Variants in SUN2 observed in about 807,000 individuals in gnomAD.
The protein encoded by SUN2 is SUN domain-containing protein 2.
SUN2 carries 60 observed loss-of-function variants against 100.0 expected under a neutral mutation model. That is an observed-to-expected ratio of 0.60 (90% confidence interval 0.49 to 0.74). The LOEUF (loss-of-function observed/expected upper bound fraction) is 0.74. Among genes scored for constraint, SUN2 ranks in the 30% least tolerant of loss-of-function variants. The pLI is 0.00. For missense variants in SUN2, 834 were observed against 954.6 expected (o/e 0.87, Z 1.66); for synonymous variants, 367 against 403.3 (o/e 0.91, Z 1.08).
chr22:38,742,768 C>T, intron 8 of SUN2: 1 of 594,474 alleles, frequency 1.7e-6, no homozygotes, highest in East Asian at 3.0e-5. Flanking sequence ...GGGTGCCGGC[C>T]ACAGAGGAAG....
chr22:38,751,501 G>A (rs2092945826), intron 2 of SUN2, 128 bp from the exon 3 acceptor site: 7 of 933,826 alleles, frequency 7.5e-6, no homozygotes, highest in Non-Finnish European at 8.0e-6. Flanking sequence ...TAGGCAACTC[G>A]CAGCTGCCAT....
At position 38,739,337 on chromosome 22, in the gene SUN2, C is replaced by A. The variant is rs373767572; in HGVS notation, c.1663+5G>T. ...AAGGCAGAGCGAGGAAAGCAGAGCA[C>A]GTACCTCCTGACTCCAGGGCGTAGT... On this transcript the variant is annotated splice_donor_5th_base_variant and intron_variant, in intron 14 of 17. Coordinates refer to ENST00000689035, the MANE Select transcript of SUN2 (RefSeq NM_015374.3). This position sits in a 1 kb window ranked among gnomAD's most constrained non-coding sequence, Gnocchi z 6.7. 5.6e-6 allele frequency: 9 copies of A among 1,612,906 alleles called. No individual in the cohort carries two copies. The highest frequency in any genetic ancestry group is 6.8e-6 in the Non-Finnish European group (8 of 1,179,938).
Position 38,741,065 on chromosome 22 carries a change from G to A in SUN2, c.1147-15C>T. 1 of 1,592,106 alleles carries A rather than the reference G, an allele frequency of 6.3e-7. No individual in the cohort carries two copies. The highest frequency in any genetic ancestry group is 8.6e-7 in the Non-Finnish European group (1 of 1,168,618). On this transcript the variant is annotated splice_polypyrimidine_tract_variant and intron_variant, in intron 10 of 17. Transcript: ENST00000689035. ...GCCTCGGACTCCTGTGTAGGAAGAA[G>A]GGACAAATACAAGAAATACTCATCT... is the stretch of plus-strand genomic sequence containing the variant.
intron 1 of SUN2, chr22:38,754,871 G>C: frequency 7.8e-7 from 1 of 1,289,312 alleles, no homozygotes; most frequent in Non-Finnish European, 1.0e-6. Flanking sequence ...CTTTCCTGCG[G>C]CATCCTGGCA....
chr22:38,755,596 T>TCAGGGCG lies in SUN2; in HGVS notation c.-38+160_-38+166dup. The TCAGGGCG allele has an allele frequency of 4.3e-6, 4 of 941,060 alleles. No homozygotes were observed. Among genetic ancestry groups the TCAGGGCG allele is most frequent in the Non-Finnish European group, 5.1e-6 (4 of 789,530 alleles). The allele number at this position is 941,060 out of a possible 1,614,324, so 58.3% of individuals were successfully genotyped here. ...GGCGGGGCGGGGGCCAGGAGGTGAG[T>TCAGGGCG]CAGGGCGCGGGCCGCGGACCCGGGT... On this transcript the variant is annotated intron_variant, in intron 1 of 17. Coordinates refer to ENST00000689035, the MANE Select transcript of SUN2 (RefSeq NM_015374.3). The surrounding 1 kb of genome is among the most constrained non-coding windows in gnomAD (Gnocchi z 5.7).
At chr22:38,754,098 T>C (rs2092968163) in intron 1 of SUN2, among the ~76,000 whole-genome samples, 1 of 152,132 alleles carries the variant, frequency 6.6e-6, no homozygotes, top group Non-Finnish European at 1.5e-5. Context: ...GAACTGATAA[T>C]GAGGACAAAG....
At position 38,740,846 on chromosome 22, in the gene SUN2, C is replaced by T; in HGVS notation, c.1190+161G>A. The T allele has an allele frequency of 2.6e-6, 2 of 764,912 alleles. No homozygotes were observed. Among genetic ancestry groups the T allele is most frequent in the Non-Finnish European group, 4.3e-6 (2 of 465,554 alleles). The allele number at this position is 764,912 out of a possible 1,614,324, so 47.4% of individuals were successfully genotyped here. On this transcript the variant is annotated intron_variant, in intron 11 of 17. Transcript: ENST00000689035. This position sits in a 1 kb window ranked among gnomAD's most constrained non-coding sequence, Gnocchi z 4.8. ...CCTCCATGGCACCTCAAAGACAGGCCCTGGGCAGGGGTCCTGAGCTGGGTT... is the reference window on the plus strand; with the variant it reads ...CCTCCATGGCACCTCAAAGACAGGCTCTGGGCAGGGGTCCTGAGCTGGGTT...
At position 38,740,944 on chromosome 22, in the gene SUN2, C is replaced by G. The variant is rs2092851927; in HGVS notation, c.1190+63G>C. 6.6e-7 allele frequency: 1 copy of G among 1,511,802 alleles called. No homozygotes were observed. The highest frequency in any genetic ancestry group is 9.0e-7 in the Non-Finnish European group (1 of 1,110,592). 93.6% of individuals were successfully genotyped at this position (1,511,802 alleles called of 1,614,324 possible). A position where few individuals can be genotyped will look rare whatever the true frequency, so the allele number is the denominator to read the frequency against. ...TGCTCTGCGGCTCTGCTCCCCAGTC[C>G]TGCCTGGAGAGTGGGTGGGGCTGGG... On this transcript the variant is annotated intron_variant, in intron 11 of 17. Coordinates refer to ENST00000689035, the MANE Select transcript of SUN2 (RefSeq NM_015374.3). The surrounding 1 kb of genome is among the most constrained non-coding windows in gnomAD (Gnocchi z 4.8).
chr22:38,738,102 G>T lies in SUN2; in HGVS notation c.2040+71C>A. Reference sequence around the variant, plus strand: ...CTGAACCCCATGCCTGGCAGGGTAAGTGCCCAGGGAGCACCTGCTGCCTGG... The same window carrying T: ...CTGAACCCCATGCCTGGCAGGGTAATTGCCCAGGGAGCACCTGCTGCCTGG... On this transcript the variant is annotated intron_variant, in intron 17 of 17. Transcript: ENST00000689035. This position sits in a 1 kb window ranked among gnomAD's most constrained non-coding sequence, Gnocchi z 6.6. 7.3e-7 allele frequency: 1 copy of T among 1,366,098 alleles called. No homozygotes were observed. Among genetic ancestry groups the T allele is most frequent in the South Asian group, 1.2e-5 (1 of 85,974 alleles). 84.6% of individuals were successfully genotyped at this position (1,366,098 alleles called of 1,614,324 possible). A position where few individuals can be genotyped will look rare whatever the true frequency, so the allele number is the denominator to read the frequency against.
rs761452227 is a variant in SUN2 at position 38,739,477 on chromosome 22, CCT to C, written c.1579-53_1579-52del. ...TTGCAGCAGGGAGCAGACGTGTCCCCCTGTCACCTCGTGGCCGTGGGCCAAGG... is the reference window on the plus strand; with the variant it reads ...TTGCAGCAGGGAGCAGACGTGTCCCCGTCACCTCGTGGCCGTGGGCCAAGG... On this transcript the variant is annotated intron_variant, in intron 13 of 17. Coordinates refer to ENST00000689035, the MANE Select transcript of SUN2 (RefSeq NM_015374.3). The surrounding 1 kb of genome is among the most constrained non-coding windows in gnomAD (Gnocchi z 6.7). The C allele has an allele frequency of 1.1e-5, 18 of 1,593,726 alleles. No homozygotes were observed. Among genetic ancestry groups the C allele is most frequent in the East Asian group, 4.5e-5 (2 of 44,638 alleles).
chr22:38,736,663 A>C, intron 17 of SUN2: 1 of 275,314 alleles, frequency 3.6e-6, no homozygotes, highest in African/African-American at 2.2e-5. Context: ...AACCACCTTC[A>C]TAGAGGGCTT....
chr22:38,750,249 G>T lies in SUN2; in HGVS notation c.496C>A (p.Leu166Ile). ...RSAVSRAGSL[L>I]WMVATSPGRL... Reference sequence around the variant, plus strand: ...CCTGGCGAAGTGGCCACCATCCAGAGTAAGGAGCCCGCCCGTGAGACGGCG... The same window carrying T: ...CCTGGCGAAGTGGCCACCATCCAGATTAAGGAGCCCGCCCGTGAGACGGCG... The change falls in exon 5 of 18, where the codon CTC (leucine) becomes ATC (isoleucine). Residue 166 changes from leucine to isoleucine, a missense_variant. Physicochemically the swap from Leu to Ile is conservative, Grantham distance 5 (BLOSUM62 2). This residue lies in a region of SUN2 where 559 missense variants were observed against 597.7 expected (regional missense o/e 0.94). Coordinates refer to ENST00000689035, the MANE Select transcript of SUN2 (RefSeq NM_015374.3). The T allele has an allele frequency of 6.2e-7, 1 of 1,613,606 alleles. No individual in the cohort carries two copies. The highest frequency in any genetic ancestry group is 8.5e-7 in the Non-Finnish European group (1 of 1,179,712).
chr22:38,736,191 G>A lies in SUN2; in HGVS notation c.*76C>T. 2 of 1,382,470 alleles carry A rather than the reference G, an allele frequency of 1.4e-6. No individual in the cohort carries two copies. Among genetic ancestry groups the A allele is most frequent in the Non-Finnish European group, 2.1e-6 (2 of 974,256 alleles). The allele number at this position is 1,382,470 out of a possible 1,614,324, so 85.6% of individuals were successfully genotyped here. The stretch of plus-strand genomic sequence containing the variant: ...GTGCTCCTAGAAGTCAGAGCGCCGA[G>A]CAAGCGTGTGGGGGAAGCGGCGGGG... On this transcript the variant is annotated 3_prime_UTR_variant, in exon 18 of 18. Coordinates refer to ENST00000689035, the MANE Select transcript of SUN2 (RefSeq NM_015374.3).
chr22:38,740,020 A>G lies in SUN2; in HGVS notation c.1357-77T>C, dbSNP rs1475281649. 3.3e-6 allele frequency: 5 copies of G among 1,501,966 alleles called. No homozygotes were observed. The highest frequency in any genetic ancestry group is 4.5e-6 in the Non-Finnish European group (5 of 1,103,040). 93.0% of individuals were successfully genotyped at this position (1,501,966 alleles called of 1,614,324 possible). A position where few individuals can be genotyped will look rare whatever the true frequency, so the allele number is the denominator to read the frequency against. ...AGCTGCTATGACAGGGCTAGTGCTTAGCTGGATAGCAGGGATAGGGTAGGA... is the reference window on the plus strand; with the variant it reads ...AGCTGCTATGACAGGGCTAGTGCTTGGCTGGATAGCAGGGATAGGGTAGGA... On this transcript the variant is annotated intron_variant, in intron 12 of 17. Coordinates refer to ENST00000689035, the MANE Select transcript of SUN2 (RefSeq NM_015374.3). The surrounding 1 kb of genome is among the most constrained non-coding windows in gnomAD (Gnocchi z 4.8).
At chr22:38,745,489 T>C (rs1300823734) in intron 8 of SUN2, among the ~76,000 whole-genome samples, 195 bp downstream of exon 8, 6 of 152,234 alleles carry the variant, frequency 3.9e-5, no homozygotes, top group Non-Finnish European at 8.8e-5. Context: ...GAAACAGCAT[T>C]GAAAAGGAAC....
rs750136523 is a variant in SUN2 at position 38,739,298 on chromosome 22, G to A, written c.1663+44C>T. 4 of 1,597,588 alleles carry A rather than the reference G, an allele frequency of 2.5e-6. No homozygotes were observed. In the Admixed American group the frequency reaches 6.7e-5, roughly 27 times the overall value. ...GGTAGATGCCAGGGGACCGGCCATT[G>A]CGGGGTCCAGGACAAGGCAGAGCGA... On this transcript the variant is annotated intron_variant, in intron 14 of 17. Coordinates refer to ENST00000689035, the MANE Select transcript of SUN2 (RefSeq NM_015374.3). The surrounding 1 kb of genome is among the most constrained non-coding windows in gnomAD (Gnocchi z 6.7).
In SUN2 at chr22:38,737,613, C is replaced by T. The variant is rs572377548; in HGVS notation, c.2040+560G>A. The stretch of plus-strand genomic sequence containing the variant: ...CTGCCACTGTCCCTCGTCCACCTCC[C>T]ACTATCCCGCCAACCCAATTCCTCA... On this transcript the variant is annotated intron_variant, in intron 17 of 17. Coordinates refer to ENST00000689035, the MANE Select transcript of SUN2 (RefSeq NM_015374.3). The surrounding 1 kb of genome is among the most constrained non-coding windows in gnomAD (Gnocchi z 4.1). 4.2e-5 allele frequency: 13 copies of T among 308,516 alleles called. No individual in the cohort carries two copies. Among genetic ancestry groups the T allele is most frequent in the South Asian group, 3.5e-4 (13 of 37,130 alleles). The allele number at this position is 308,516 out of a possible 1,614,324, so 19.1% of individuals were successfully genotyped here.
At chr22:38,749,980 G>T in intron 5 of SUN2, 121 bp from the exon 6 acceptor site, 1 of 1,019,856 alleles carries the variant, frequency 9.8e-7, no homozygotes, top group Non-Finnish European at 1.4e-6. Flanking sequence ...CCTCTGTCCT[G>T]CCCTACCGGG....
chr22:38,735,748 C>A lies in SUN2; in HGVS notation c.*519G>T, dbSNP rs569420839. The stretch of plus-strand genomic sequence containing the variant: ...GCTTCCCTAGGTGGAGGGCACTAAC[C>A]TTGTAGGAGAGCTGGGCAGCTCTCC... On this transcript the variant is annotated 3_prime_UTR_variant, in exon 18 of 18. Coordinates refer to ENST00000689035, the MANE Select transcript of SUN2 (RefSeq NM_015374.3). 25 of 161,478 alleles carry A rather than the reference C, an allele frequency of 1.5e-4. No individual in the cohort carries two copies. In the East Asian group the frequency reaches 4.0e-3, roughly 26 times the overall value. The allele number at this position is 161,478 out of a possible 1,614,324, so 10.0% of individuals were successfully genotyped here. A position where few individuals can be genotyped will look rare whatever the true frequency, so the allele number is the denominator to read the frequency against.
Sources: gnomAD v4.1 joint callset for allele counts (sites outside exome capture counted in the v4.1 genomes callset) on GRCh38, gnomAD v4.1.1 for gene constraint, gnomAD v4.1.1 regional missense constraint, Gnocchi (gnomAD v3.1) non-coding constraint, MANE v1.5 for transcripts, NCBI Gene and HGNC (gene_info 2026-07-23, HGNC 2026-07-21) for gene names.